The following ARNT2 variants were observed in gnomAD, a reference collection of about 807,000 sequenced individuals.
ARNT2 encodes the protein aryl hydrocarbon receptor nuclear translocator 2.
ARNT2 carries 36 observed loss-of-function variants against 91.7 expected under a neutral mutation model. The observed-to-expected ratio is 0.39, with a 90% CI of 0.30 to 0.52. The LOEUF is 0.52. ARNT2 is among the 20% of genes least tolerant of loss of function. The pLI, the probability that ARNT2 is intolerant of heterozygous loss-of-function variation, is 0.72. For synonymous variants in ARNT2, 365 were observed against 347.1 expected (o/e 1.05, Z -0.57); for missense variants, 775 against 939.3 (o/e 0.83, Z 2.29).
At chr15:80,459,850 G>A (rs1430246071) in intron 3 of ARNT2, among the ~76,000 whole-genome samples, 1 of 152,210 alleles carries the variant, frequency 6.6e-6, no homozygotes, top group East Asian at 1.9e-4. Flanking sequence ...GAGTTTGTAG[G>A]ACCGCAGAGG....
In ARNT2 at chr15:80,416,285, T is replaced by G. The variant is rs115300268; in HGVS notation, c.31+11739T>G. On this transcript the variant is annotated intron_variant, in intron 1 of 18. Coordinates refer to ENST00000303329, the MANE Select transcript of ARNT2 (RefSeq NM_014862.4). ...GTGTTGCTATTTTACCATGTTGGCT[T>G]TATCAGTTTTTTTTTTCTCTGTCTC... 6.4e-3 allele frequency among the ~76,000 whole-genome samples: 970 copies of G among 151,672 alleles called. 8 individuals carry two copies. Among genetic ancestry groups the G allele is most frequent in the African/African-American group, 0.023 (947 of 41,368 alleles).
intron 12 of ARNT2, among the ~76,000 whole-genome samples, chr15:80,568,433 C>T (rs112848416): frequency 5.5e-4 from 84 of 152,210 alleles, no homozygotes; most frequent in African/African-American, 2.0e-3. Flanking sequence ...TGGTCGTGCT[C>T]GTGTATGTGT....
intron 8 of ARNT2, among the ~76,000 whole-genome samples, chr15:80,550,877 G>T (rs938115434): frequency 1.3e-5 from 2 of 152,224 alleles, no homozygotes; most frequent in African/African-American, 4.8e-5. Context: ...ACCCATATTG[G>T]CTTCTTACTG....
At chr15:80,554,130 C>T (rs1048982918) in intron 10 of ARNT2, among the ~76,000 whole-genome samples, 1 of 152,180 alleles carries the variant, frequency 6.6e-6, no homozygotes, top group Non-Finnish European at 1.5e-5. Flanking sequence ...ACTTCCTGGC[C>T]AGGCATGGTG....
chr15:80,475,249 T>G, intron 5 of ARNT2, 26 bp downstream of exon 5: 1 of 1,611,198 alleles, frequency 6.2e-7, no homozygotes, highest in Non-Finnish European at 8.5e-7. Flanking sequence ...TTTATGAGGC[T>G]GTTTGACTCT....
intron 1 of ARNT2, among the ~76,000 whole-genome samples, chr15:80,417,760 T>C (rs1895807676): frequency 6.6e-6 from 1 of 152,098 alleles, no homozygotes; most frequent in Non-Finnish European, 1.5e-5. Flanking sequence ...GGAGACAGTA[T>C]AGACATTGAA....
intron 1 of ARNT2, among the ~76,000 whole-genome samples, chr15:80,426,613 G>T (rs1299110833): frequency 6.6e-6 from 1 of 152,150 alleles, no homozygotes; most frequent in Non-Finnish European, 1.5e-5. Flanking sequence ...TTCCTCTCTT[G>T]GAGTCCATGA....
At chr15:80,588,432 T>C (rs1215352466) in intron 17 of ARNT2, among the ~76,000 whole-genome samples, 1 of 152,100 alleles carries the variant, frequency 6.6e-6, no homozygotes, top group African/African-American at 2.4e-5. Context: ...CCCTCTCTTT[T>C]TGTCCACCCA....
At chr15:80,513,837 C>A in intron 6 of ARNT2, 74 bp from the exon 7 acceptor site, 1 of 1,287,236 alleles carries the variant, frequency 7.8e-7, no homozygotes, top group Non-Finnish European at 1.1e-6. Context: ...GGCTCATCTA[C>A]TTGATGGCAG....
chr15:80,587,091 T>G (rs1479954709), intron 17 of ARNT2, among the ~76,000 whole-genome samples: 1 of 152,110 alleles, frequency 6.6e-6, no homozygotes, highest in African/African-American at 2.4e-5. Context: ...TACTAGTTAG[T>G]GTTGAAAAGG....
chr15:80,436,830 G>A (rs1158347475), intron 1 of ARNT2, among the ~76,000 whole-genome samples: 1 of 152,220 alleles, frequency 6.6e-6, no homozygotes, highest in Non-Finnish European at 1.5e-5. Context: ...GAGAAGGCCA[G>A]GGTATCTGTG....
intron 17 of ARNT2, among the ~76,000 whole-genome samples, chr15:80,586,767 G>T (rs1022397516): frequency 1.4e-4 from 21 of 151,682 alleles, no homozygotes; most frequent in Admixed American, 1.4e-3. Flanking sequence ...CTTGAACCTG[G>T]GAGGTGGAGG....
chr15:80,433,140 G>A (rs1339665697), intron 1 of ARNT2, among the ~76,000 whole-genome samples: 1 of 151,888 alleles, frequency 6.6e-6, no homozygotes, highest in Non-Finnish European at 1.5e-5. Context: ...TTTTAGATCT[G>A]TGGAAGGATA....
chr15:80,585,208 C>T (rs928734650), intron 17 of ARNT2, among the ~76,000 whole-genome samples: 2 of 152,048 alleles, frequency 1.3e-5, no homozygotes, highest in African/African-American at 2.4e-5. Context: ...ATTTTGAGTC[C>T]AGTCACAGCA....
chr15:80,579,652 A>G (rs757561143), intron 15 of ARNT2, among the ~76,000 whole-genome samples: 2 of 152,234 alleles, frequency 1.3e-5, no homozygotes, highest in Non-Finnish European at 2.9e-5. Flanking sequence ...GAAACAAAGT[A>G]AAAGTCTGCC....
intron 3 of ARNT2, among the ~76,000 whole-genome samples, chr15:80,465,929 C>T (rs1486659531): frequency 6.6e-6 from 1 of 152,208 alleles, no homozygotes; most frequent in Non-Finnish European, 1.5e-5. Context: ...TGCACCTGCT[C>T]ACTCTCTGTT....
chr15:80,406,438 A>G (rs2141549263), intron 1 of ARNT2, among the ~76,000 whole-genome samples: 1 of 152,398 alleles, frequency 6.6e-6, no homozygotes, highest in South Asian at 2.1e-4. Context: ...TTATGAAATT[A>G]GAAAAAGCAA....
chr15:80,409,901 G>A (rs910597361), intron 1 of ARNT2, among the ~76,000 whole-genome samples: 5 of 152,174 alleles, frequency 3.3e-5, no homozygotes, highest in Admixed American at 6.5e-5. Flanking sequence ...GGGAAGAGCT[G>A]GAGAACAGGG....
At chr15:80,508,291 G>T (rs2141424220) in intron 6 of ARNT2, 33 bp downstream of exon 6, 1 of 1,608,170 alleles carries the variant, frequency 6.2e-7, no homozygotes, top group East Asian at 2.2e-5. Context: ...GCCATCAGGT[G>T]GTTGGTTTGC....
Sources: allele counts gnomAD v4.1 joint callset (sites outside exome capture counted in the v4.1 genomes callset), GRCh38; gene constraint gnomAD v4.1.1; transcripts MANE v1.5; gene names NCBI Gene and HGNC (gene_info 2026-07-23, HGNC 2026-07-21).